Variants in CD84 observed in about 807,000 individuals in gnomAD.
CD84 encodes the protein SLAM family member 5.
Under a neutral mutation model 33.8 loss-of-function variants are expected in CD84, and 22 were observed. The ratio of observed to expected loss-of-function variants is 0.65; its 90% CI spans 0.46 to 0.93. CD84 has a LOEUF of 0.93. Among genes scored for constraint, CD84 ranks in the 40% least tolerant of loss-of-function variants. CD84 has a pLI of 0.00. For synonymous variants in CD84, 154 were observed against 145.2 expected (o/e 1.06, Z -0.44); for missense variants, 400 against 397.6 (o/e 1.01, Z -0.05).
intron 2 of CD84, among the ~76,000 whole-genome samples, chr1:160,562,690 G>A (rs1557978107): frequency 6.6e-6 from 1 of 152,116 alleles, no homozygotes; most frequent in East Asian, 1.9e-4. Flanking sequence ...AATGTCAAAA[G>A]CAATTGCAAC....
At chr1:160,566,784 A>T (rs1286130662) in intron 1 of CD84, among the ~76,000 whole-genome samples, 1 of 152,220 alleles carries the variant, frequency 6.6e-6, no homozygotes, top group Non-Finnish European at 1.5e-5. Context: ...AACATTTCCT[A>T]GTGAAAACTT....
chr1:160,570,767 T>C (rs573212369), intron 1 of CD84, among the ~76,000 whole-genome samples: 4 of 151,964 alleles, frequency 2.6e-5, no homozygotes, highest in Non-Finnish European at 5.9e-5. Context: ...GAGGCTGAGA[T>C]GAGAGGATCA....
intron 4 of CD84, among the ~76,000 whole-genome samples, chr1:160,551,584 C>A (rs926868111): frequency 6.6e-6 from 1 of 152,184 alleles, no homozygotes; most frequent in Non-Finnish European, 1.5e-5. Flanking sequence ...CTGTCACCCA[C>A]GTTGGAGTGC....
In CD84 at chr1:160,544,920, C is replaced by G. The variant is rs1361920221; in HGVS notation, c.*3336G>C. On this transcript the variant is annotated 3_prime_UTR_variant, in exon 7 of 7. Coordinates refer to ENST00000368054, the MANE Select transcript of CD84 (RefSeq NM_003874.4). Reference sequence around the variant, plus strand: ...TTTGATGCACATTTTTAAAAACTGGCACACTTTGGTCTGATACAAGATCCT... The same window carrying G: ...TTTGATGCACATTTTTAAAAACTGGGACACTTTGGTCTGATACAAGATCCT... 1 of 152,182 alleles carries G rather than the reference C, an allele frequency of 6.6e-6. No individual in the cohort carries two copies. The highest frequency in any genetic ancestry group is 6.5e-5 in the Admixed American group (1 of 15,274). 9.4% of individuals were successfully genotyped at this position (152,182 alleles called of 1,614,324 possible).
intron 3 of CD84, 158 bp from the exon 4 acceptor site, chr1:160,553,655 G>T: frequency 4.0e-6 from 4 of 1,008,328 alleles, no homozygotes; most frequent in Middle Eastern, 3.0e-4. Context: ...TAAAAGCCAG[G>T]ATGAGAAATT....
intron 1 of CD84, among the ~76,000 whole-genome samples, chr1:160,571,772 C>T (rs76051270): frequency 0.038 from 5,724 of 152,208 alleles, 180 homozygotes; most frequent in African/African-American, 0.076. Flanking sequence ...TCCAGGTTTC[C>T]CTCTCATAGC....
chr1:160,563,506 G>A (rs752514582), intron 2 of CD84, among the ~76,000 whole-genome samples: 1 of 152,176 alleles, frequency 6.6e-6, no homozygotes, highest in African/African-American at 2.4e-5. Flanking sequence ...ACAGAAAACC[G>A]AACACCACAT....
At chr1:160,555,921 A>T (rs923919054) in intron 2 of CD84, among the ~76,000 whole-genome samples, 3 of 152,230 alleles carry the variant, frequency 2.0e-5, no homozygotes, top group South Asian at 2.1e-4. Context: ...TTTTAGAGGG[A>T]TCTATTCCAT....
chr1:160,560,858 T>C (rs887120772), intron 2 of CD84, among the ~76,000 whole-genome samples: 9 of 152,148 alleles, frequency 5.9e-5, no homozygotes, highest in Admixed American at 5.2e-4. Context: ...CAGAGAATAC[T>C]ATAAATATCT....
chr1:160,545,480 C>G lies in CD84; in HGVS notation c.*2776G>C, dbSNP rs896601402. ...CCTCTTTCCTCCTTCCTGCACGTCT[C>G]TTCTTGGGGTGCTGTCTTTCACCTC... On this transcript the variant is annotated 3_prime_UTR_variant, in exon 7 of 7. Transcript: ENST00000368054. 1 of 152,234 alleles carries G rather than the reference C, an allele frequency of 6.6e-6. No homozygotes were observed. The highest frequency in any genetic ancestry group is 1.5e-5 in the Non-Finnish European group (1 of 68,072). The allele number at this position is 152,234 out of a possible 1,614,324, so 9.4% of individuals were successfully genotyped here.
chr1:160,565,789 C>A, intron 1 of CD84, 44 bp from the exon 2 acceptor site: 1 of 1,461,430 alleles, frequency 6.8e-7, no homozygotes. Flanking sequence ...ACTGTTGCAG[C>A]TTTTTCACTT....
At chr1:160,575,358 C>T (rs773262619) in intron 1 of CD84, among the ~76,000 whole-genome samples, 19 of 152,056 alleles carry the variant, frequency 1.2e-4, no homozygotes, top group South Asian at 1.0e-3. Flanking sequence ...TCCAAAGCGA[C>T]GGAAAGTCCT....
intron 2 of CD84, among the ~76,000 whole-genome samples, chr1:160,564,855 A>G (rs770390142): frequency 1.3e-5 from 2 of 152,192 alleles, no homozygotes; most frequent in African/African-American, 2.4e-5. Context: ...TACCCATGTG[A>G]TTAAATTGTA....
intron 4 of CD84, chr1:160,552,722 G>T: frequency 1.3e-6 from 2 of 1,548,240 alleles, no homozygotes; most frequent in South Asian, 1.2e-5. Flanking sequence ...CTTAGTGAAG[G>T]TGTTCAAGCA....
At chr1:160,575,197 G>C (rs779510747) in intron 1 of CD84, among the ~76,000 whole-genome samples, 29 of 152,002 alleles carry the variant, frequency 1.9e-4, no homozygotes, top group Non-Finnish European at 3.5e-4. Flanking sequence ...GTGGAACATC[G>C]CTGAGTATTG....
At position 160,572,865 on chromosome 1, in the gene CD84, A is replaced by G. The variant is rs930900206; in HGVS notation, c.46+6527T>C. Among the ~76,000 whole-genome samples the G allele has an allele frequency of 2.6e-5, 4 of 152,178 alleles. No homozygotes were observed. The East Asian group carries it at 7.7e-4, about 29-fold the overall frequency. On this transcript the variant is annotated intron_variant, in intron 1 of 6. Transcript: ENST00000368054. ...TGTTCACTGTGACTCTTAGGTAGCT[A>G]TGGCAAAGAGGGAGCCCAGGACTCA...
intron 2 of CD84, among the ~76,000 whole-genome samples, chr1:160,562,897 A>C (rs908543038): frequency 2.0e-5 from 3 of 152,044 alleles, no homozygotes; most frequent in Admixed American, 6.6e-5. Flanking sequence ...CAGAAAAAAA[A>C]CCACACACAG....
intron 1 of CD84, among the ~76,000 whole-genome samples, chr1:160,575,634 A>C (rs1204401656): frequency 1.3e-5 from 2 of 152,148 alleles, no homozygotes; most frequent in African/African-American, 4.8e-5. Context: ...GTACCTAGTC[A>C]GTTCCACCTA....
intron 4 of CD84, 130 bp downstream of exon 4, chr1:160,553,248 T>C (rs1656356064): frequency 3.5e-6 from 5 of 1,413,828 alleles, no homozygotes; most frequent in Non-Finnish European, 4.9e-6. Flanking sequence ...TGGGAGGTGG[T>C]GGGGTGGAGA....
Sources: allele counts gnomAD v4.1 joint callset (sites outside exome capture counted in the v4.1 genomes callset), GRCh38; gene constraint gnomAD v4.1.1; transcripts MANE v1.5; gene names NCBI Gene and HGNC (gene_info 2026-07-23, HGNC 2026-07-21).